Variants in TMEM33 observed in about 807,000 individuals in gnomAD.
TMEM33 encodes the protein transmembrane protein 33.
TMEM33 carries 16 observed loss-of-function variants against 29.7 expected under a neutral mutation model. The observed-to-expected ratio is 0.54, with a 90% CI of 0.36 to 0.82. The LOEUF (loss-of-function observed/expected upper bound fraction) is 0.82, where lower values mean the gene tolerates loss of function less well. TMEM33 is among the 40% of genes least tolerant of loss of function. The probability of loss-of-function intolerance (pLI) is 0.00; values close to 1 mark genes in which losing one functional copy is unlikely to be tolerated. For missense variants in TMEM33, 252 were observed against 295.3 expected, an observed-to-expected ratio of 0.85 and a Z score of 1.08; for synonymous variants, 112 against 109.4, an observed-to-expected ratio of 1.02 and a Z score of -0.15.
At chr4:41,947,955 GA>G (rs1174366141) in intron 5 of TMEM33, among the ~76,000 whole-genome samples, 1 of 152,130 alleles carries the variant, frequency 6.6e-6, no homozygotes. Context: ...CATTAGTACG[GA>G]GTTTGTTACA....
intron 4 of TMEM33, chr4:41,944,169 T>A: frequency 4.3e-6 from 1 of 233,510 alleles, no homozygotes; most frequent in Admixed American, 5.6e-5. Context: ...AAGTTGAGTG[T>A]ACTGAATGAA....
Position 41,954,107 on chromosome 4 carries a change from A to G in TMEM33, c.652A>G (p.Ile218Val). ...TGAACTGAGGATTGTTGTTGAACAC[A>G]TAATAATGAAACCTGCTTGCCCACT... is the stretch of plus-strand genomic sequence containing the variant. ...FNELRIVVEH[I>V]IMKPACPLFV... Residue 218 changes from isoleucine to valine, a missense_variant, in exon 7 of 7, where the codon ATA becomes GTA. By Grantham distance (29) the Ile-to-Val change is conservative (BLOSUM62 3). Transcript: ENST00000504986. The G allele has an allele frequency of 5.6e-6, 9 of 1,614,022 alleles. No individual in the cohort carries two copies. Among genetic ancestry groups the G allele is most frequent in the Non-Finnish European group, 7.6e-6 (9 of 1,179,878 alleles).
chr4:41,939,062 A>G (rs2153126482), intron 2 of TMEM33, 134 bp from the exon 3 acceptor site: 2 of 765,046 alleles, frequency 2.6e-6, no homozygotes, highest in South Asian at 2.4e-5. Context: ...TTAAAACGGT[A>G]GAATAAGTTC....
At position 41,955,691 on chromosome 4, in the gene TMEM33, G is replaced by A. The variant is rs1713233781; in HGVS notation, c.*1492G>A. On this transcript the variant is annotated 3_prime_UTR_variant, in exon 7 of 7. Transcript: ENST00000504986. ...AATATTTGTCCACTAAGCTGGAGAA[G>A]CAGCCTCATACAGTTGATTTTGTGT... 6.6e-6 allele frequency: 1 copy of A among 152,588 alleles called. No individual in the cohort carries two copies. 9.5% of individuals were successfully genotyped at this position (152,588 alleles called of 1,614,324 possible). A position where few individuals can be genotyped will look rare whatever the true frequency, so the allele number is the denominator to read the frequency against.
chr4:41,953,323 A>G (rs1393347845), intron 6 of TMEM33, among the ~76,000 whole-genome samples: 1 of 152,190 alleles, frequency 6.6e-6, no homozygotes, highest in East Asian at 1.9e-4. Context: ...CTGTCAGATG[A>G]ATTTTTTGGT....
Position 41,949,290 on chromosome 4 carries a change from T to G in TMEM33, c.531-12T>G, listed in dbSNP as rs1712932113. On this transcript the variant is annotated splice_polypyrimidine_tract_variant and intron_variant, in intron 5 of 6. Transcript: ENST00000504986. ...AATGTATATTTATCACGCTTGTATT[T>G]GTTTATTTCAGTGGTCAAGGAAGTT... 6.3e-7 allele frequency: 1 copy of G among 1,579,104 alleles called. No homozygotes were observed. The highest frequency in any genetic ancestry group is 1.8e-5 in the Admixed American group (1 of 56,916).
At chr4:41,936,341 G>A (rs145070382) in intron 1 of TMEM33, among the ~76,000 whole-genome samples, 1 of 152,194 alleles carries the variant, frequency 6.6e-6, no homozygotes, top group Non-Finnish European at 1.5e-5. Flanking sequence ...AGGAGTTAGA[G>A]ACCAGCCTTG....
At chr4:41,951,022 A>G (rs1028323617) in intron 6 of TMEM33, among the ~76,000 whole-genome samples, 3 of 151,848 alleles carry the variant, frequency 2.0e-5, no homozygotes, top group Non-Finnish European at 4.4e-5. Context: ...CAGCTTGTAA[A>G]TATTGATAAA....
intron 1 of TMEM33, among the ~76,000 whole-genome samples, chr4:41,937,390 G>A (rs1712292984): frequency 6.6e-6 from 1 of 152,036 alleles, no homozygotes; most frequent in Non-Finnish European, 1.5e-5. Flanking sequence ...AATCAAAGTT[G>A]TATTTCATAT....
chr4:41,935,769 C>T (rs1183238550), intron 1 of TMEM33, among the ~76,000 whole-genome samples: 3 of 152,184 alleles, frequency 2.0e-5, no homozygotes, highest in Admixed American at 6.5e-5. Flanking sequence ...ACCTGTATGC[C>T]ATGGAAATTG....
rs1297275897 is a variant in TMEM33, at chr4:41,957,657, G to T, written c.*3458G>T. 6.6e-6 allele frequency: 1 copy of T among 151,482 alleles called. No homozygotes were observed. The highest frequency in any genetic ancestry group is 6.6e-5 in the Admixed American group (1 of 15,210). The allele number at this position is 151,482 out of a possible 1,614,324, so 9.4% of individuals were successfully genotyped here. On this transcript the variant is annotated 3_prime_UTR_variant, in exon 7 of 7. Transcript: ENST00000504986. ...ATTAATTTTGAGAGATTGAGGTAAA[G>T]AACCTTAACTAATGCTAAGGAGTTT...
intron 5 of TMEM33, 51 bp from the exon 6 acceptor site, chr4:41,949,251 T>C (rs754122181): frequency 1.5e-6 from 2 of 1,310,700 alleles, no homozygotes; most frequent in Admixed American, 4.0e-5. Flanking sequence ...TTTGAGAGTA[T>C]ACACATGAAT....
rs34741115 is a variant in TMEM33, at chr4:41,957,267, GTTTTTTT to G, written c.*3079_*3085del. 7.4e-6 allele frequency: 1 copy of G among 135,846 alleles called. No individual in the cohort carries two copies. The highest frequency in any genetic ancestry group is 1.6e-5 in the Non-Finnish European group (1 of 64,446). The allele number at this position is 135,846 out of a possible 1,614,324, so 8.4% of individuals were successfully genotyped here. ...AATTTATTATGCAATTTGTATTTAGGTTTTTTTTTTTTTTTTTGGAATGAAGTTCAGA... is the reference window on the plus strand; with the variant it reads ...AATTTATTATGCAATTTGTATTTAGGTTTTTTTTTTGGAATGAAGTTCAGA... On this transcript the variant is annotated 3_prime_UTR_variant, in exon 7 of 7. Transcript: ENST00000504986.
Position 41,952,073 on chromosome 4 carries a change from A to C in TMEM33, c.615-1997A>C, listed in dbSNP as rs535452059. 1.6e-4 allele frequency among the ~76,000 whole-genome samples: 25 copies of C among 152,286 alleles called. 1 individual carries two copies. Among genetic ancestry groups the C allele is most frequent in the African/African-American group, 5.3e-4 (22 of 41,566 alleles). ...GACTATTAGAGTAGTCTAGAGCCTGAATTAATCCAGTGGTAAAAGGAAAAG... is the reference window on the plus strand; with the variant it reads ...GACTATTAGAGTAGTCTAGAGCCTGCATTAATCCAGTGGTAAAAGGAAAAG... On this transcript the variant is annotated intron_variant, in intron 6 of 6. Transcript: ENST00000504986.
chr4:41,953,988 T>A, intron 6 of TMEM33, 82 bp from the exon 7 acceptor site: 1 of 1,542,020 alleles, frequency 6.5e-7, no homozygotes, highest in Non-Finnish European at 8.9e-7. Context: ...AAATGAAATA[T>A]CTATGGAGTA....
Position 41,944,927 on chromosome 4 carries a change from G to A in TMEM33, c.530+1G>A. The A allele has an allele frequency of 6.2e-7, 1 of 1,608,334 alleles. No homozygotes were observed. The highest frequency in any genetic ancestry group is 8.5e-7 in the Non-Finnish European group (1 of 1,178,748). ...CTGCGACAGTTTTTATGCTTTTTAG[G>A]TAAGGAAAAATTATATTTGTTTTGG... On this transcript the variant is annotated splice_donor_variant, in intron 5 of 6. Coordinates refer to ENST00000504986, the MANE Select transcript of TMEM33 (RefSeq NM_018126.3). LOFTEE classifies it high-confidence loss of function.
At chr4:41,944,655 T>C (rs528941334) in intron 4 of TMEM33, 138 bp from the exon 5 acceptor site, 1 of 991,292 alleles carries the variant, frequency 1.0e-6, no homozygotes, top group South Asian at 1.6e-5. Context: ...TTAAATAGTT[T>C]GTGAACTTCG....
intron 3 of TMEM33, among the ~76,000 whole-genome samples, chr4:41,942,234 C>T (rs1161393052): frequency 4.7e-4 from 72 of 152,174 alleles, no homozygotes; most frequent in Non-Finnish European, 1.5e-5. Flanking sequence ...CCATCAGTTT[C>T]AAAGTAGTCT....
At chr4:41,942,651 ATTTTTT>A (rs60359484) in intron 3 of TMEM33, among the ~76,000 whole-genome samples, 2 of 148,360 alleles carry the variant, frequency 1.3e-5, no homozygotes, top group African/African-American at 4.9e-5. Context: ...CTACTTGACA[ATTTTTT>A]TTTTTTAATC....
Sources: gnomAD v4.1 joint callset for allele counts (sites outside exome capture counted in the v4.1 genomes callset) on GRCh38, gnomAD v4.1.1 for gene constraint, MANE v1.5 for transcripts, NCBI Gene and HGNC (gene_info 2026-07-23, HGNC 2026-07-21) for gene names.